The following ZBTB20 variants were observed in gnomAD, a reference collection of about 807,000 sequenced individuals.
The protein encoded by ZBTB20 is zinc finger and BTB domain containing 20.
ZBTB20 carries 9 observed loss-of-function variants against 56.9 expected under a neutral mutation model. The ratio of observed to expected loss-of-function variants is 0.16; its 90% CI spans 0.10 to 0.28. The LOEUF (loss-of-function observed/expected upper bound fraction) is 0.28. Ranked by LOEUF, ZBTB20 falls within the 10% of genes least tolerant of loss-of-function variation. The pLI is 1.00. For missense variants in ZBTB20, 655 were observed against 1,003.0 expected, an observed-to-expected ratio of 0.65 and a Z score of 4.69; for synonymous variants, 417 against 420.7, an observed-to-expected ratio of 0.99 and a Z score of 0.11.
chr3:114,390,610 C>T (rs2085761199), intron 7 of ZBTB20, among the ~76,000 whole-genome samples: 2 of 152,220 alleles, frequency 1.3e-5, no homozygotes, highest in African/African-American at 2.4e-5. Flanking sequence ...TTGTCTACCC[C>T]AGTCCTCCCT....
chr3:114,960,909 G>A (rs1191386888), intron 3 of ZBTB20, among the ~76,000 whole-genome samples: 2 of 152,098 alleles, frequency 1.3e-5, no homozygotes, highest in African/African-American at 4.8e-5. Flanking sequence ...ATGACGCCAT[G>A]AAAAATAAGG....
intron 1 of ZBTB20, among the ~76,000 whole-genome samples, chr3:115,139,586 T>C (rs372080113): frequency 6.6e-6 from 1 of 152,080 alleles, no homozygotes; most frequent in East Asian, 1.9e-4. Flanking sequence ...TTTTATAAGA[T>C]CTGCATGGAG....
intron 4 of ZBTB20, among the ~76,000 whole-genome samples, chr3:114,856,964 C>T (rs932917142): frequency 2.6e-5 from 4 of 152,104 alleles, no homozygotes; most frequent in Non-Finnish European, 5.9e-5. Flanking sequence ...GCTGTAATAT[C>T]TGCCCTGAAT....
intron 7 of ZBTB20, among the ~76,000 whole-genome samples, chr3:114,449,683 TAA>T (rs11439656): frequency 2.2e-4 from 29 of 134,514 alleles, no homozygotes; most frequent in Admixed American, 2.9e-4. Flanking sequence ...AGCCTAGCTT[TAA>T]AAAAAAAAAA....
intron 3 of ZBTB20, among the ~76,000 whole-genome samples, chr3:114,918,018 G>C (rs1228578397): frequency 6.6e-6 from 1 of 152,084 alleles, no homozygotes; most frequent in Admixed American, 6.5e-5. Flanking sequence ...CTAAGATCCA[G>C]GGCCTGGAGT....
chr3:114,851,750 G>T (rs535423961), intron 4 of ZBTB20, among the ~76,000 whole-genome samples: 2 of 152,038 alleles, frequency 1.3e-5, no homozygotes, highest in Middle Eastern at 3.4e-3. Flanking sequence ...TTCATGAGAT[G>T]AATGGTAATA....
chr3:114,911,096 C>G (rs1381113702), intron 3 of ZBTB20, among the ~76,000 whole-genome samples: 2 of 142,866 alleles, frequency 1.4e-5, no homozygotes, highest in African/African-American at 5.1e-5. Context: ...TATACCCCCA[C>G]AGCAATAAAA....
At chr3:115,050,670 T>C (rs1465233507) in intron 2 of ZBTB20, among the ~76,000 whole-genome samples, 3 of 152,116 alleles carry the variant, frequency 2.0e-5, no homozygotes, top group Non-Finnish European at 2.9e-5. Flanking sequence ...TTCAGTCACA[T>C]ACCATCTCAC....
At position 114,380,352 on chromosome 3, in the gene ZBTB20, T is replaced by C. The variant is rs1449525291; in HGVS notation, c.64A>G (p.Thr22Ala). Residue 22 changes from threonine to alanine, a missense_variant, in exon 10 of 12, where the codon ACT (threonine) becomes GCT (alanine). Coordinates refer to ENST00000675478, the MANE Select transcript of ZBTB20 (RefSeq NM_001348800.3). ...TTGGCGCTGGATCCACCCGGCTGAG[T>C]AATCTCATTCTCCTCAGATGCCTTC... ...NQKASEENEI[T>A]QPGGSSAKPG... The C allele has an allele frequency of 1.3e-6, 2 of 1,536,896 alleles. No individual in the cohort carries two copies. Among genetic ancestry groups the C allele is most frequent in the East Asian group, 2.4e-5 (1 of 40,924 alleles).
chr3:114,585,562 C>A (rs191792216), intron 6 of ZBTB20, among the ~76,000 whole-genome samples: 2 of 152,136 alleles, frequency 1.3e-5, no homozygotes, highest in Non-Finnish European at 2.9e-5. Flanking sequence ...TCTTTGAAAC[C>A]GTCTAATGTA....
intron 5 of ZBTB20, among the ~76,000 whole-genome samples, chr3:114,695,933 C>G (rs1392141310): frequency 6.6e-6 from 1 of 151,870 alleles, no homozygotes; most frequent in Non-Finnish European, 1.5e-5. Context: ...CATTATTTCT[C>G]TGTAATAAAT....
chr3:115,136,318 C>G (rs536709988), intron 1 of ZBTB20, among the ~76,000 whole-genome samples: 1 of 151,930 alleles, frequency 6.6e-6, no homozygotes, highest in Admixed American at 6.6e-5. Context: ...AATAAGTAAA[C>G]GGATAGCCTA....
In ZBTB20 at chr3:114,327,630, C is replaced by G. The variant is rs1403015147; in HGVS notation, c.*11375G>C. The G allele has an allele frequency of 6.6e-6, 1 of 152,020 alleles. No individual in the cohort carries two copies. Among genetic ancestry groups the G allele is most frequent in the East Asian group, 1.9e-4 (1 of 5,200 alleles). 9.4% of individuals were successfully genotyped at this position (152,020 alleles called of 1,614,324 possible). On this transcript the variant is annotated 3_prime_UTR_variant, in exon 12 of 12. Coordinates refer to ENST00000675478, the MANE Select transcript of ZBTB20 (RefSeq NM_001348800.3). ...AAACTGCTATTTATTTCATTGTTCT[C>G]TATGGTGTGAGTTGATGTTATAAAC...
intron 6 of ZBTB20, among the ~76,000 whole-genome samples, chr3:114,684,798 C>T (rs576705742): frequency 1.3e-5 from 2 of 152,118 alleles, no homozygotes; most frequent in Admixed American, 6.6e-5. Flanking sequence ...CTGGTCCTCA[C>T]AAATGGGGAG....
intron 3 of ZBTB20, among the ~76,000 whole-genome samples, chr3:114,929,659 C>T (rs2076283736): frequency 6.6e-6 from 1 of 152,180 alleles, no homozygotes; most frequent in South Asian, 2.1e-4. Context: ...ACTTCTATCA[C>T]ATAAAGAGGT....
At chr3:114,977,769 A>T (rs964462568) in intron 2 of ZBTB20, among the ~76,000 whole-genome samples, 2 of 152,138 alleles carry the variant, frequency 1.3e-5, no homozygotes, top group African/African-American at 4.8e-5. Context: ...TATATAATAT[A>T]AGCATAAAGA....
intron 6 of ZBTB20, among the ~76,000 whole-genome samples, chr3:114,596,517 T>G (rs1440276113): frequency 6.6e-6 from 1 of 152,154 alleles, no homozygotes; most frequent in Non-Finnish European, 1.5e-5. Flanking sequence ...GGATTTGACA[T>G]GCTAATATCC....
intron 8 of ZBTB20, chr3:114,383,515 T>C (rs940567710): frequency 2.0e-5 from 3 of 152,240 alleles, no homozygotes; most frequent in African/African-American, 7.2e-5. Context: ...GGGAGAATAT[T>C]GATAGCACAG....
At chr3:114,465,673 C>T (rs1283711056) in intron 7 of ZBTB20, among the ~76,000 whole-genome samples, 1 of 151,184 alleles carries the variant, frequency 6.6e-6, no homozygotes, top group East Asian at 1.9e-4. Context: ...CACCATTGCA[C>T]TCCAGCCTGA....
Sources: allele counts gnomAD v4.1 joint callset (sites outside exome capture counted in the v4.1 genomes callset), GRCh38; gene constraint gnomAD v4.1.1; transcripts MANE v1.5; gene names NCBI Gene and HGNC (gene_info 2026-07-23, HGNC 2026-07-21).